Variants in CNTN5 observed in about 807,000 individuals in gnomAD.
CNTN5 encodes the protein contactin 5.
CNTN5 carries 77 observed loss-of-function variants against 129.1 expected under a neutral mutation model. The ratio of observed to expected loss-of-function variants is 0.60; its 90% confidence interval spans 0.50 to 0.72. The LOEUF (loss-of-function observed/expected upper bound fraction) is 0.72, where lower values mean the gene tolerates loss of function less well. Ranked by LOEUF, CNTN5 falls within the 30% of genes least tolerant of loss-of-function variation. The pLI is 0.00. For missense variants in CNTN5, 1,478 were observed against 1,328.8 expected (o/e 1.11, Z -1.75); for synonymous variants, 509 against 465.6 (o/e 1.09, Z -1.20).
intron 1 of CNTN5, among the ~76,000 whole-genome samples, chr11:99,323,894 A>G (rs914876916): frequency 6.6e-6 from 1 of 152,196 alleles, no homozygotes; most frequent in African/African-American, 2.4e-5. Context: ...GAGGGACAAA[A>G]GCGAGGAAAA....
intron 3 of CNTN5, among the ~76,000 whole-genome samples, chr11:99,626,118 C>T (rs1690816): frequency 0.61 from 92,779 of 151,676 alleles, 29,249 homozygotes; most frequent in Admixed American, 0.74. Flanking sequence ...TGGAGAGAAG[C>T]GCTGTAGAAA....
chr11:99,023,854 T>C (rs1591061172), intron 1 of CNTN5, among the ~76,000 whole-genome samples: 2 of 152,306 alleles, frequency 1.3e-5, no homozygotes, highest in Admixed American at 1.3e-4. Flanking sequence ...ATGTAGTTTG[T>C]TTTCTTGAAA....
intron 3 of CNTN5, among the ~76,000 whole-genome samples, chr11:99,724,196 G>C (rs564194264): frequency 3.0e-4 from 45 of 152,210 alleles, no homozygotes; most frequent in Non-Finnish European, 5.7e-4. Context: ...TTGAAATCCT[G>C]CTTGTTCTTC....
chr11:99,585,944 TC>T (rs2135642948), intron 3 of CNTN5, among the ~76,000 whole-genome samples: 1 of 152,266 alleles, frequency 6.6e-6, no homozygotes, highest in African/African-American at 2.4e-5. Flanking sequence ...AATAAATTGT[TC>T]TTTCTTTCCT....
At chr11:100,096,287 G>A (rs922388197) in intron 13 of CNTN5, among the ~76,000 whole-genome samples, 5 of 152,010 alleles carry the variant, frequency 3.3e-5, no homozygotes, top group African/African-American at 1.2e-4. Context: ...TTTTAAGAAG[G>A]GGAGGATAAT....
intron 1 of CNTN5, among the ~76,000 whole-genome samples, chr11:99,248,969 A>T (rs1565436531): frequency 6.6e-6 from 1 of 152,180 alleles, no homozygotes; most frequent in Non-Finnish European, 1.5e-5. Context: ...GTTCCATATG[A>T]ACTTGAAAGT....
chr11:99,465,833 C>T (rs1249847939), intron 2 of CNTN5, among the ~76,000 whole-genome samples: 5 of 144,024 alleles, frequency 3.5e-5, no homozygotes, highest in Non-Finnish European at 7.5e-5. Flanking sequence ...CTTACGTGGC[C>T]GGAACAGGAG....
At chr11:99,784,624 T>G (rs887873297) in intron 3 of CNTN5, among the ~76,000 whole-genome samples, 1 of 152,030 alleles carries the variant, frequency 6.6e-6, no homozygotes, top group African/African-American at 2.4e-5. Context: ...GTATTTCTGG[T>G]TCTAGATCCC....
At chr11:100,319,460 C>T (rs1410958013) in intron 21 of CNTN5, among the ~76,000 whole-genome samples, 1 of 152,038 alleles carries the variant, frequency 6.6e-6, no homozygotes, top group African/African-American at 2.4e-5. Flanking sequence ...GCTGACTTCC[C>T]TTTTTTCTGA....
rs982785941 is a variant in CNTN5 at position 100,358,437 on chromosome 11, A to T, written c.*2217A>T. The T allele has an allele frequency of 6.6e-6, 1 of 151,920 alleles. No individual in the cohort carries two copies. Among genetic ancestry groups the T allele is most frequent in the Non-Finnish European group, 1.5e-5 (1 of 67,846 alleles). The allele number at this position is 151,920 out of a possible 1,614,324, so 9.4% of individuals were successfully genotyped here. ...TGTTTTTACTTAACATACACAGAAT[A>T]TGTATTTTGCATCATAAACCTATTT... is the stretch of plus-strand genomic sequence containing the variant. On this transcript the variant is annotated 3_prime_UTR_variant, in exon 25 of 25. Coordinates refer to ENST00000524871, the MANE Select transcript of CNTN5 (RefSeq NM_014361.4).
At chr11:100,202,895 T>A (rs1948816311) in intron 15 of CNTN5, among the ~76,000 whole-genome samples, 1 of 151,990 alleles carries the variant, frequency 6.6e-6, no homozygotes, top group African/African-American at 2.4e-5. Context: ...AACTTAAAAC[T>A]TCATTGCCAT....
intron 9 of CNTN5, among the ~76,000 whole-genome samples, chr11:100,027,020 A>C (rs950123264): frequency 6.7e-6 from 1 of 150,036 alleles, no homozygotes; most frequent in African/African-American, 2.4e-5. Context: ...ATTTGGATTT[A>C]AAAAAAAAAT....
At chr11:99,211,567 T>C (rs1859789722) in intron 1 of CNTN5, among the ~76,000 whole-genome samples, 1 of 152,046 alleles carries the variant, frequency 6.6e-6, no homozygotes, top group South Asian at 2.1e-4. Flanking sequence ...AAATAGCTTT[T>C]CTTATTTGGA....
intron 1 of CNTN5, among the ~76,000 whole-genome samples, chr11:99,289,183 G>A (rs1160424683): frequency 1.3e-5 from 2 of 151,794 alleles, no homozygotes; most frequent in African/African-American, 4.8e-5. Flanking sequence ...GACTAATAAA[G>A]ATTCATTATG....
At chr11:99,864,438 C>T (rs1401794301) in intron 6 of CNTN5, among the ~76,000 whole-genome samples, 1 of 152,018 alleles carries the variant, frequency 6.6e-6, no homozygotes, top group Non-Finnish European at 1.5e-5. Context: ...CTCTCCATAT[C>T]TTATTTGTGC....
At chr11:99,850,904 A>T (rs922194499) in intron 6 of CNTN5, among the ~76,000 whole-genome samples, 5 of 152,218 alleles carry the variant, frequency 3.3e-5, no homozygotes, top group Admixed American at 3.3e-4. Flanking sequence ...CAACCCCTAC[A>T]GCATCCCTAC....
At chr11:100,351,713 G>C (rs188020280) in intron 24 of CNTN5, among the ~76,000 whole-genome samples, 2 of 144,144 alleles carry the variant, frequency 1.4e-5, no homozygotes, top group African/African-American at 5.1e-5. Context: ...AAAAGTATTA[G>C]ACAATTTTAT....
chr11:100,286,304 G>A (rs958582922), intron 18 of CNTN5, among the ~76,000 whole-genome samples: 5 of 152,120 alleles, frequency 3.3e-5, no homozygotes, highest in African/African-American at 1.2e-4. Context: ...CTGGGGGCAG[G>A]GCACAGACAA....
intron 21 of CNTN5, among the ~76,000 whole-genome samples, chr11:100,327,581 AC>A (rs1340966027): frequency 6.6e-6 from 1 of 152,206 alleles, no homozygotes; most frequent in Non-Finnish European, 1.5e-5. Context: ...CCCGAGTTTT[AC>A]ATTTGTGGGT....
Sources: gnomAD v4.1 joint callset for allele counts (sites outside exome capture counted in the v4.1 genomes callset) on GRCh38, gnomAD v4.1.1 for gene constraint, MANE v1.5 for transcripts, NCBI Gene and HGNC (gene_info 2026-07-23, HGNC 2026-07-21) for gene names.